CDH13: variants seen among roughly 807,000 people sequenced by gnomAD.
The protein encoded by CDH13 is cadherin 13, also known as cadherin-13.
A neutral mutation model predicts 63.8 loss-of-function variants in CDH13; 24 were observed. The observed-to-expected ratio is 0.38, with a 90% confidence interval of 0.27 to 0.53. The LOEUF is 0.53. Among genes scored for constraint, CDH13 ranks in the 20% least tolerant of loss-of-function variants. The pLI, the probability that CDH13 is intolerant of heterozygous loss-of-function variation, is 0.85. For synonymous variants in CDH13, 503 were observed against 355.3 expected (o/e 1.42, Z -4.67); for missense variants, 1,049 against 903.1 (o/e 1.16, Z -2.07).
At chr16:83,489,632 A>G (rs962472694) in intron 7 of CDH13, among the ~76,000 whole-genome samples, 1 of 152,192 alleles carries the variant, frequency 6.6e-6, no homozygotes, top group Non-Finnish European at 1.5e-5. Context: ...AGAGTTTGCA[A>G]TGTTTTCCTC....
chr16:83,545,231 A>C (rs1426609620), intron 7 of CDH13, among the ~76,000 whole-genome samples: 2 of 152,226 alleles, frequency 1.3e-5, no homozygotes, highest in East Asian at 3.9e-4. Flanking sequence ...TCCAAGCACC[A>C]TCTGACATAC....
intron 1 of CDH13, among the ~76,000 whole-genome samples, chr16:82,637,384 A>G (rs146129167): frequency 8.6e-4 from 125 of 145,908 alleles, no homozygotes; most frequent in Non-Finnish European, 1.3e-3. Flanking sequence ...GCACTCACCT[A>G]GGTACTTTAT....
intron 2 of CDH13, among the ~76,000 whole-genome samples, chr16:82,929,678 A>AAAAAAAAAAAAAAC (rs2042419809): frequency 6.9e-6 from 1 of 145,526 alleles, no homozygotes; most frequent in Admixed American, 6.8e-5. Flanking sequence ...AAAAAAAAAA[A>AAAAAAAAAAAAAAC]AAAAAGAAGA....
At chr16:83,098,274 C>T (rs1351922045) in intron 3 of CDH13, among the ~76,000 whole-genome samples, 1 of 152,194 alleles carries the variant, frequency 6.6e-6, no homozygotes, top group Non-Finnish European at 1.5e-5. Context: ...TACAGTAAAA[C>T]ACTTTCATTT....
At chr16:83,074,872 C>G (rs2032709341) in intron 3 of CDH13, among the ~76,000 whole-genome samples, 1 of 152,136 alleles carries the variant, frequency 6.6e-6, no homozygotes, top group Non-Finnish European at 1.5e-5. Flanking sequence ...CTGAAAGACG[C>G]AAAATTAGAC....
At chr16:83,010,482 C>G (rs1006914348) in intron 2 of CDH13, among the ~76,000 whole-genome samples, 23 of 152,254 alleles carry the variant, frequency 1.5e-4, no homozygotes, top group African/African-American at 5.5e-4. Flanking sequence ...TGTGCTCTCA[C>G]TTTCTCCTGA....
chr16:83,332,347 T>A (rs1268448356), intron 5 of CDH13, among the ~76,000 whole-genome samples: 3 of 152,126 alleles, frequency 2.0e-5, no homozygotes, highest in Non-Finnish European at 4.4e-5. Flanking sequence ...CTTAAATCCA[T>A]CTGGAATTCA....
At chr16:83,062,887 T>C (rs2031681274) in intron 3 of CDH13, among the ~76,000 whole-genome samples, 1 of 152,048 alleles carries the variant, frequency 6.6e-6, no homozygotes, top group Non-Finnish European at 1.5e-5. Flanking sequence ...GGTGATTCTT[T>C]GCATGCACCT....
Position 83,059,849 on chromosome 16 carries a change from C to T in CDH13, c.366+27631C>T, listed in dbSNP as rs189812798. Among the ~76,000 whole-genome samples, 77 of 138,546 alleles carry T rather than the reference C, an allele frequency of 5.6e-4. 1 individual carries two copies. Among genetic ancestry groups the T allele is most frequent in the African/African-American group, 2.0e-3 (73 of 36,506 alleles). The allele number at this position is 138,546 out of a possible 152,430, so 90.9% of individuals were successfully genotyped here. On this transcript the variant is annotated intron_variant, in intron 3 of 13. Transcript: ENST00000567109. ...TCGCTCTGTCACCCAGGCTGGAGTG[C>T]AGTGGCAGGATCTTGGCTCACTGCA...
intron 5 of CDH13, among the ~76,000 whole-genome samples, chr16:83,310,980 G>C (rs2089987049): frequency 6.6e-6 from 1 of 152,146 alleles, no homozygotes; most frequent in South Asian, 2.1e-4. Context: ...CACACACAAA[G>C]TACTCCCACA....
chr16:82,969,102 C>G (rs1272926845), intron 2 of CDH13, among the ~76,000 whole-genome samples: 3 of 152,078 alleles, frequency 2.0e-5, no homozygotes, highest in African/African-American at 4.8e-5. Context: ...ATGAGACTCT[C>G]TCTCAAACGA....
rs143870149 is a variant in CDH13, at chr16:82,903,722, A to G, written c.157+45249A>G. ...CTGTGCATATAGGAAAAGGGAACAT[A>G]TATGTTATCCCTCATGTGTTAGGGG... On this transcript the variant is annotated intron_variant, in intron 2 of 13. Transcript: ENST00000567109. Among the ~76,000 whole-genome samples, 564 of 152,164 alleles carry G rather than the reference A, an allele frequency of 3.7e-3. 3 individuals are homozygous for G. Among genetic ancestry groups the G allele is most frequent in the African/African-American group, 0.013 (538 of 41,498 alleles).
At chr16:83,655,233 G>A (rs1055029359) in intron 8 of CDH13, 2 of 152,208 alleles carry the variant, frequency 1.3e-5, no homozygotes, top group Non-Finnish European at 2.9e-5. Context: ...TTGGATAGCA[G>A]GTACCCACTT....
chr16:83,426,385 C>G (rs990570317), intron 6 of CDH13, among the ~76,000 whole-genome samples: 3 of 152,142 alleles, frequency 2.0e-5, no homozygotes, highest in Non-Finnish European at 2.9e-5. Flanking sequence ...AGACTAAACT[C>G]TAGTCCTTGC....
chr16:83,749,564 T>C (rs956275443), intron 11 of CDH13, among the ~76,000 whole-genome samples: 2 of 152,204 alleles, frequency 1.3e-5, no homozygotes, highest in Non-Finnish European at 2.9e-5. Context: ...CAAAGCCAGA[T>C]GATTCATTTG....
intron 4 of CDH13, among the ~76,000 whole-genome samples, chr16:83,183,999 A>T (rs7186037): frequency 6.6e-6 from 1 of 151,876 alleles, no homozygotes; most frequent in Non-Finnish European, 1.5e-5. Context: ...GAACATTAAC[A>T]TCTAAGCCAT....
rs12598815 is a variant in CDH13 at position 82,814,603 on chromosome 16, A to G, written c.46-43759A>G. Among the ~76,000 whole-genome samples, 8,910 of 152,098 alleles carry G rather than the reference A, an allele frequency of 0.059. 1,463 individuals carry two copies. In the East Asian group the frequency reaches 0.63, roughly 11 times the overall value. On this transcript the variant is annotated intron_variant, in intron 1 of 13. Transcript: ENST00000567109. ...GGAAGCTCTGCATACCTTTCCACATACCTTTCCCTATGCATCTCTTGGTGT... is the reference window on the plus strand; with the variant it reads ...GGAAGCTCTGCATACCTTTCCACATGCCTTTCCCTATGCATCTCTTGGTGT...
chr16:82,755,809 T>C (rs1437505262), intron 1 of CDH13, among the ~76,000 whole-genome samples: 2 of 152,232 alleles, frequency 1.3e-5, no homozygotes, highest in African/African-American at 2.4e-5. Context: ...ACTGGGGATT[T>C]AGGCATTTGT....
At chr16:83,570,800 A>T (rs1374491239) in intron 7 of CDH13, among the ~76,000 whole-genome samples, 1 of 136,532 alleles carries the variant, frequency 7.3e-6, no homozygotes, top group Admixed American at 8.0e-5. Context: ...TTTTATATTT[A>T]TAAATATATA....
Sources: allele counts gnomAD v4.1 joint callset (sites outside exome capture counted in the v4.1 genomes callset), GRCh38; gene constraint gnomAD v4.1.1; transcripts MANE v1.5; gene names NCBI Gene and HGNC (gene_info 2026-07-23, HGNC 2026-07-21).